Variants in MYO1F observed in about 807,000 individuals in gnomAD.
MYO1F encodes unconventional myosin-If.
Under a neutral mutation model 146.6 loss-of-function variants are expected in MYO1F, and 60 were observed. The observed-to-expected ratio is 0.41, with a 90% CI of 0.33 to 0.51. The LOEUF is 0.51. Among genes scored for constraint, MYO1F ranks in the 20% least tolerant of loss-of-function variants. The probability of loss-of-function intolerance (pLI) is 0.25; values close to 1 mark genes in which losing one functional copy is unlikely to be tolerated. For synonymous variants in MYO1F, 602 were observed against 602.1 expected, an observed-to-expected ratio of 1.00 and a Z score of 0.00; for missense variants, 1,274 against 1,534.3, an observed-to-expected ratio of 0.83 and a Z score of 2.83.
rs1160694738 is a variant in MYO1F at position 8,530,474 on chromosome 19, C to T, written c.2143G>A (p.Glu715Lys). The change falls in exon 20 of 28, where the codon GAG (glutamate) becomes AAG (lysine). Residue 715 changes from glutamate (E) to lysine (K), a missense_variant. Glu to Lys is a moderately conservative substitution (Grantham distance 56, BLOSUM62 1). Transcript: ENST00000644032. This position sits in a 1 kb window ranked among gnomAD's most constrained non-coding sequence, Gnocchi z 5.8. ...AGCCTCTCACCTTCCTCCCGCATCT[C>T]CTCGTACTTCCGGACAGCCACGTGG... ...RRHVAVRKYE[E>K]MREEASNILL... 3 of 1,613,724 alleles carry T rather than the reference C, an allele frequency of 1.9e-6. No individual in the cohort carries two copies. Among genetic ancestry groups the T allele is most frequent in the African/African-American group, 1.3e-5 (1 of 74,928 alleles).
chr19:8,536,100 CCT>C lies in MYO1F; in HGVS notation c.2043+150_2043+151del, dbSNP rs945279849. ...CTCTATCTCAGTTTCTCTGTCAATC[CCT>C]CTCTCTCAATCTGTTTCTCAATTTC... On this transcript the variant is annotated intron_variant, in intron 19 of 27. Transcript: ENST00000644032. 6 of 1,005,322 alleles carry C rather than the reference CCT, an allele frequency of 6.0e-6. No individual in the cohort carries two copies. The African/African-American group carries it at 6.4e-5, about 11-fold the overall frequency. 62.3% of individuals were successfully genotyped at this position (1,005,322 alleles called of 1,614,324 possible).
intron 8 of MYO1F, chr19:8,551,433 C>CA: frequency 2.9e-6 from 1 of 343,794 alleles, no homozygotes; most frequent in South Asian, 2.3e-5. Context: ...CTCACTGCAA[C>CA]TTCCACCTCC....
At chr19:8,523,241 G>T (rs899042922) in intron 25 of MYO1F, among the ~76,000 whole-genome samples, 1 of 152,066 alleles carries the variant, frequency 6.6e-6, no homozygotes, top group African/African-American at 2.4e-5. Context: ...CATCATGTTA[G>T]CCAGGATGGT....
At chr19:8,553,894 A>ACACACACACTCTCTCTCTCTCTCTCT in intron 4 of MYO1F, among the ~76,000 whole-genome samples, 4 of 102,668 alleles carry the variant, frequency 3.9e-5, no homozygotes, top group African/African-American at 1.7e-4. Flanking sequence ...ACACACACAC[A>ACACACACACTCTCTCTCTCTCTCTCT]CTCTCTCTCT....
At chr19:8,560,433 CG>C (rs1195480902) in intron 1 of MYO1F, among the ~76,000 whole-genome samples, 2 of 150,540 alleles carry the variant, frequency 1.3e-5, no homozygotes, top group African/African-American at 4.9e-5. Flanking sequence ...TGCAGTGAGC[CG>C]AGATTGCACC....
chr19:8,556,496 AAGAAAGAAAG>A (rs140843881), intron 1 of MYO1F, among the ~76,000 whole-genome samples: 15,376 of 141,600 alleles, frequency 0.11, 920 homozygotes, highest in Non-Finnish European at 0.13. Flanking sequence ...GAAAGAAAGA[AAGAAAGAAAG>A]AGAAAGAAAG....
At chr19:8,547,814 C>T in intron 12 of MYO1F, 2 of 558,156 alleles carry the variant, frequency 3.6e-6, no homozygotes, top group Admixed American at 5.9e-5. Flanking sequence ...ACAACAGGTG[C>T]TCAATAAATA....
In MYO1F at chr19:8,530,447, G is replaced by A. The variant is rs775180613; in HGVS notation, c.2158+12C>T. 3.7e-6 allele frequency: 6 copies of A among 1,613,534 alleles called. No individual in the cohort carries two copies. In the East Asian group the frequency reaches 8.9e-5, roughly 24 times the overall value. On this transcript the variant is annotated intron_variant, in intron 20 of 27. Coordinates refer to ENST00000644032, the MANE Select transcript of MYO1F (RefSeq NM_012335.4). This position sits in a 1 kb window ranked among gnomAD's most constrained non-coding sequence, Gnocchi z 5.8. ...TGCCCCCACCCCGCGCCGTTTACCC[G>A]AAGCCTCTCACCTTCCTCCCGCATC...
intron 14 of MYO1F, among the ~76,000 whole-genome samples, chr19:8,543,527 T>G (rs915637173): frequency 2.0e-5 from 3 of 151,904 alleles, no homozygotes; most frequent in African/African-American, 7.3e-5. Flanking sequence ...GTACCCAAGC[T>G]GGTGTTAATC....
intron 14 of MYO1F, among the ~76,000 whole-genome samples, chr19:8,543,750 G>C (rs867484336): frequency 1.1e-4 from 1 of 9,298 alleles, no homozygotes; most frequent in Admixed American, 1.0e-3. Flanking sequence ...GGTGCTGGTG[G>C]TGGTGGTGGT....
chr19:8,535,846 A>AT lies in MYO1F; in HGVS notation c.2043+405dup, dbSNP rs945309807. The stretch of plus-strand genomic sequence containing the variant: ...AGGTGCCCGCCACCATGCCCGGCTA[A>AT]TTTTTTTTGTATTTTTAGTAGAGAC... On this transcript the variant is annotated intron_variant, in intron 19 of 27. Transcript: ENST00000644032. Among the ~76,000 whole-genome samples the AT allele has an allele frequency of 4.6e-5, 7 of 150,976 alleles. 1 individual carries two copies. The highest frequency in any genetic ancestry group is 4.0e-4 in the Admixed American group (6 of 15,092).
chr19:8,534,108 G>C (rs1972603733), intron 19 of MYO1F, among the ~76,000 whole-genome samples: 1 of 151,234 alleles, frequency 6.6e-6, no homozygotes, highest in Non-Finnish European at 1.5e-5. Context: ...GAACCAGGAA[G>C]GTGGAGGTTG....
Position 8,553,868 on chromosome 19 carries a change from T to TCACACACACACACACACA in MYO1F, c.327-449_327-432dup, listed in dbSNP as rs374157870. ...GCCTGGGTGACAGACTGAGACTCTGTCACACACACACACACACACACACAC... is the reference window on the plus strand; with the variant it reads ...GCCTGGGTGACAGACTGAGACTCTGTCACACACACACACACACACACACACACACACACACACACACAC... On this transcript the variant is annotated intron_variant, in intron 4 of 27. Transcript: ENST00000644032. Among the ~76,000 whole-genome samples the TCACACACACACACACACA allele has an allele frequency of 2.3e-3, 274 of 121,512 alleles. 3 individuals carry two copies. The highest frequency in any genetic ancestry group is 6.9e-3 in the African/African-American group (201 of 29,160). 79.7% of individuals were successfully genotyped at this position (121,512 alleles called of 152,430 possible). A position where few individuals can be genotyped will look rare whatever the true frequency, so the allele number is the denominator to read the frequency against.
chr19:8,556,064 TGTCA>T (rs1405547962), intron 1 of MYO1F, among the ~76,000 whole-genome samples: 33 of 151,692 alleles, frequency 2.2e-4, no homozygotes, highest in Admixed American at 2.1e-3. Flanking sequence ...AGTCTCACTC[TGTCA>T]GTCAGGCTGG....
At chr19:8,528,610 G>A (rs1018206809) in intron 21 of MYO1F, among the ~76,000 whole-genome samples, 6 of 152,152 alleles carry the variant, frequency 3.9e-5, no homozygotes, top group Non-Finnish European at 7.3e-5. Context: ...AGATGGGAAT[G>A]TGTTGGTTGG....
intron 1 of MYO1F, among the ~76,000 whole-genome samples, chr19:8,562,135 C>T (rs1278843857): frequency 3.3e-5 from 5 of 150,972 alleles, no homozygotes; most frequent in Admixed American, 6.6e-5. Context: ...CCAGGGTTCA[C>T]GCCGTTCTCC....
At chr19:8,565,662 C>G (rs1227829633) in intron 1 of MYO1F, among the ~76,000 whole-genome samples, 1 of 151,984 alleles carries the variant, frequency 6.6e-6, no homozygotes, top group Non-Finnish European at 1.5e-5. Context: ...TTTTTCTAAA[C>G]AGGTATTTGG....
chr19:8,548,276 G>A lies in MYO1F; in HGVS notation c.1143C>T (p.Ser381=), dbSNP rs1180693884. 6.2e-7 allele frequency: 1 copy of A among 1,614,040 alleles called. No individual in the cohort carries two copies. The highest frequency in any genetic ancestry group is 1.1e-5 in the South Asian group (1 of 91,074). The change falls in exon 11 of 28, where the codon AGC becomes AGT. Residue 381 remains serine, a synonymous_variant. Transcript: ENST00000644032. ...AGCCGTAAATGTCCAGCACACCGAT[G>A]CTGTACTCTTCCTGGGGTTTCTGCA... The part of the protein sequence containing the change: ...RAMQKPQEEY[S]IGVLDIYGFE...
At position 8,561,466 on chromosome 19, in the gene MYO1F, CTCTCTT is replaced by C. The variant is rs1352694832; in HGVS notation, c.4-5676_4-5671del. 4.6e-4 allele frequency among the ~76,000 whole-genome samples: 57 copies of C among 123,756 alleles called. 1 individual carries two copies. The highest frequency in any genetic ancestry group is 1.7e-3 in the Admixed American group (19 of 11,298). The allele number at this position is 123,756 out of a possible 152,430, so 81.2% of individuals were successfully genotyped here. A position where few individuals can be genotyped will look rare whatever the true frequency, so the allele number is the denominator to read the frequency against. ...TTCCTTCCTCCCTCTCTCCCTCTCT[CTCTCTT>C]TCTTTTTCTCTTTCTTTCGTTCTCT... is the stretch of plus-strand genomic sequence containing the variant. On this transcript the variant is annotated intron_variant, in intron 1 of 27. Coordinates refer to ENST00000644032, the MANE Select transcript of MYO1F (RefSeq NM_012335.4).
Sources: gnomAD v4.1 joint callset for allele counts (sites outside exome capture counted in the v4.1 genomes callset) on GRCh38, gnomAD v4.1.1 for gene constraint, Gnocchi (gnomAD v3.1) non-coding constraint, MANE v1.5 for transcripts, NCBI Gene and HGNC (gene_info 2026-07-23, HGNC 2026-07-21) for gene names.